The following TENM1 variants were observed in gnomAD, a reference collection of about 807,000 sequenced individuals.
The protein encoded by TENM1 is teneurin-1.
In TENM1, 35 loss-of-function variants were observed where a neutral mutation model predicts 174.8. That is an observed-to-expected ratio of 0.20 (90% CI 0.15 to 0.27). The LOEUF is 0.27. Ranked by LOEUF, TENM1 falls within the 10% of genes least tolerant of loss-of-function variation. The probability of loss-of-function intolerance (pLI) is 1.00; values close to 1 mark genes in which losing one functional copy is unlikely to be tolerated. For missense variants in TENM1, 1,633 were observed against 2,130.1 expected (o/e 0.77, Z 4.59); for synonymous variants, 781 against 798.7 (o/e 0.98, Z 0.37).
At chrX:125,188,257 T>C in the TENM1 span, among the ~76,000 whole-genome samples, 3 of 110,664 alleles carry the variant, frequency 2.7e-5, no homozygotes, top group African/African-American at 9.9e-5. Context: ...CATTTGAGCC[T>C]GGAAGGTTGA....
chrX:125,151,971 G>C, the TENM1 span, among the ~76,000 whole-genome samples: 2 of 111,699 alleles, frequency 1.8e-5, no homozygotes, highest in Non-Finnish European at 3.8e-5. Flanking sequence ...ATATCATCTT[G>C]AGGCCTGAGC....
At chrX:124,614,630 C>A (rs764978463) in intron 11 of TENM1, among the ~76,000 whole-genome samples, 2 of 112,429 alleles carry the variant, frequency 1.8e-5, no homozygotes, top group Admixed American at 9.4e-5. Flanking sequence ...CGCCTGTAAT[C>A]CCAGCAAGTT....
chrX:124,483,452 C>T (rs2046887870), intron 21 of TENM1, among the ~76,000 whole-genome samples: 1 of 111,975 alleles, frequency 8.9e-6, no homozygotes, highest in South Asian at 3.7e-4. Context: ...GTTGTCAAAG[C>T]CAGAAACCAG....
At chrX:124,751,032 T>C (rs1338784990) in intron 3 of TENM1, among the ~76,000 whole-genome samples, 1 of 112,135 alleles carries the variant, frequency 8.9e-6, no homozygotes, top group Non-Finnish European at 1.9e-5. Context: ...ACATAATTTA[T>C]GTAATCTATA....
chrX:124,710,544 T>C (rs1251390454), intron 4 of TENM1, among the ~76,000 whole-genome samples: 2 of 111,954 alleles, frequency 1.8e-5, no homozygotes, highest in African/African-American at 6.5e-5. Flanking sequence ...GAATAATCAA[T>C]ATCCCTGAGC....
intron 5 of TENM1, among the ~76,000 whole-genome samples, chrX:124,703,234 G>A (rs1403894141): frequency 9.0e-6 from 1 of 111,317 alleles, no homozygotes; most frequent in Non-Finnish European, 1.9e-5. Flanking sequence ...AGTGGCAGAG[G>A]TCTGAAAAAT....
At chrX:124,658,977 T>TAA (rs112148708) in intron 6 of TENM1, among the ~76,000 whole-genome samples, 2,584 of 112,317 alleles carry the variant, frequency 0.023, 69 homozygotes, top group African/African-American at 0.079. Context: ...CCAAAAACTT[T>TAA]AGTTTCACAG....
intron 15 of TENM1, among the ~76,000 whole-genome samples, chrX:124,543,789 T>C (rs1292507262): frequency 8.9e-6 from 1 of 112,377 alleles, no homozygotes; most frequent in Non-Finnish European, 1.9e-5. Context: ...ATCTTCACCA[T>C]GGGCAGGGTG....
intron 5 of TENM1, among the ~76,000 whole-genome samples, chrX:124,686,087 A>G (rs1188290875): frequency 4.7e-5 from 5 of 105,823 alleles, no homozygotes; most frequent in African/African-American, 1.9e-4. Context: ...AACAAAAGAG[A>G]ATTTTGAAAA....
chrX:125,025,647 T>C, the TENM1 span, among the ~76,000 whole-genome samples: 1 of 110,740 alleles, frequency 9.0e-6, no homozygotes, highest in Non-Finnish European at 1.9e-5. Context: ...TGTTGGGCCT[T>C]CTGAAAAAAG....
the TENM1 span, among the ~76,000 whole-genome samples, chrX:125,179,926 C>T: frequency 2.9e-5 from 3 of 104,999 alleles, no homozygotes; most frequent in East Asian, 9.0e-4. Context: ...GCAGTAGTCT[C>T]CTAACTGGTT....
intron 1 of TENM1, among the ~76,000 whole-genome samples, chrX:124,917,896 A>C (rs144642373): frequency 0.024 from 2,720 of 112,187 alleles, 72 homozygotes; most frequent in African/African-American, 0.084. Flanking sequence ...ATAGCCAGGT[A>C]ATCTATAGGC....
chrX:125,133,153 C>T, the TENM1 span, among the ~76,000 whole-genome samples: 24 of 110,720 alleles, frequency 2.2e-4, no homozygotes, highest in East Asian at 1.7e-3. Flanking sequence ...GCCACCACGC[C>T]TGGCTAATTT....
chrX:124,836,944 A>T (rs1291909548), intron 3 of TENM1, among the ~76,000 whole-genome samples: 2 of 111,475 alleles, frequency 1.8e-5, no homozygotes, highest in African/African-American at 6.5e-5. Context: ...TACACTACCA[A>T]TGTCAGTTTG....
At chrX:124,757,693 A>G (rs1051776950) in intron 3 of TENM1, among the ~76,000 whole-genome samples, 2 of 112,534 alleles carry the variant, frequency 1.8e-5, no homozygotes, top group African/African-American at 6.5e-5. Flanking sequence ...ATAGTGTAGC[A>G]CTTCATAGGT....
chrX:124,675,664 G>A (rs1602974468), intron 5 of TENM1, among the ~76,000 whole-genome samples: 1 of 102,536 alleles, frequency 9.8e-6, no homozygotes. Flanking sequence ...TACCCTCCCA[G>A]AACTTACATG....
intron 3 of TENM1, among the ~76,000 whole-genome samples, chrX:124,833,106 T>C (rs1016482286): frequency 9.0e-6 from 1 of 111,719 alleles, no homozygotes; most frequent in African/African-American, 3.3e-5. Context: ...CAGCTAAAAG[T>C]TAGGTATGCA....
chrX:124,665,685 A>G (rs959262963), intron 6 of TENM1, among the ~76,000 whole-genome samples: 2 of 112,036 alleles, frequency 1.8e-5, no homozygotes, highest in Non-Finnish European at 3.8e-5. Context: ...CATAGTGTGT[A>G]CAGCTGAAAG....
chrX:124,820,197 G>A (rs1212991885), intron 3 of TENM1, among the ~76,000 whole-genome samples: 3 of 110,658 alleles, frequency 2.7e-5, no homozygotes, highest in East Asian at 2.8e-4. Flanking sequence ...AATTCTTCCC[G>A]GTCTCAGACA....
Sources: allele counts gnomAD v4.1 joint callset (sites outside exome capture counted in the v4.1 genomes callset), GRCh38; gene constraint gnomAD v4.1.1; transcripts MANE v1.5; gene names NCBI Gene and HGNC (gene_info 2026-07-23, HGNC 2026-07-21).